Variants in ELL2 observed in about 807,000 individuals in gnomAD.
ELL2 encodes elongation factor for RNA polymerase II 2.
In ELL2, 21 loss-of-function variants were observed where a neutral mutation model predicts 72.8. The ratio of observed to expected loss-of-function variants is 0.29; its 90% CI spans 0.20 to 0.42. ELL2 has a LOEUF of 0.42. Ranked by LOEUF, ELL2 falls within the 10% of genes least tolerant of loss-of-function variation. The pLI is 1.00. For synonymous variants in ELL2, 266 were observed against 283.2 expected (o/e 0.94, Z 0.61); for missense variants, 568 against 772.8 (o/e 0.73, Z 3.14).
chr5:95,952,601 T>C (rs1415617208), intron 1 of ELL2, among the ~76,000 whole-genome samples: 2 of 152,188 alleles, frequency 1.3e-5, no homozygotes, highest in East Asian at 1.9e-4. Context: ...TGTCAGAAGA[T>C]AGTTTTCTCC....
chr5:95,920,281 T>A (rs1319958715), intron 2 of ELL2, among the ~76,000 whole-genome samples: 1 of 84,622 alleles, frequency 1.2e-5, no homozygotes, highest in Non-Finnish European at 2.3e-5. Flanking sequence ...TTTTTAATAT[T>A]TATTTATTTA....
chr5:95,950,911 T>C (rs60871107), intron 1 of ELL2, among the ~76,000 whole-genome samples: 2,064 of 32,556 alleles, frequency 0.063, 128 homozygotes, highest in East Asian at 0.18. Flanking sequence ...TGTGTATATA[T>C]ATATATATAT....
At chr5:95,903,812 C>T (rs894624678) in intron 5 of ELL2, among the ~76,000 whole-genome samples, 2 of 152,128 alleles carry the variant, frequency 1.3e-5, no homozygotes, top group African/African-American at 2.4e-5. Context: ...CAAATGGAGT[C>T]TATATAAGAC....
intron 9 of ELL2, among the ~76,000 whole-genome samples, chr5:95,895,003 C>T (rs992300192): frequency 6.6e-6 from 1 of 152,160 alleles, no homozygotes; most frequent in Non-Finnish European, 1.5e-5. Context: ...CTTACAGAGG[C>T]CTTTTATTCT....
At chr5:95,897,684 G>A (rs1748926074) in intron 8 of ELL2, among the ~76,000 whole-genome samples, 1 of 152,174 alleles carries the variant, frequency 6.6e-6, no homozygotes, top group African/African-American at 2.4e-5. Context: ...GATCTATTAA[G>A]CGAACGCTAG....
chr5:95,955,539 T>TA (rs1053340964), intron 1 of ELL2, among the ~76,000 whole-genome samples: 7 of 152,076 alleles, frequency 4.6e-5, no homozygotes, highest in African/African-American at 1.7e-4. Flanking sequence ...AGGAAGGAGA[T>TA]AAAAAAAGAC....
chr5:95,961,109 T>G (rs1300415614), intron 1 of ELL2, among the ~76,000 whole-genome samples: 1 of 152,096 alleles, frequency 6.6e-6, no homozygotes, highest in Non-Finnish European at 1.5e-5. Context: ...GTCCTGTCTC[T>G]GAGGATCCAC....
chr5:95,937,166 G>A (rs1750805540), intron 2 of ELL2, among the ~76,000 whole-genome samples: 1 of 152,168 alleles, frequency 6.6e-6, no homozygotes, highest in African/African-American at 2.4e-5. Context: ...GAGCACCCCT[G>A]TTTGTGCTCA....
chr5:95,947,533 G>T (rs1751207243), intron 1 of ELL2, among the ~76,000 whole-genome samples: 1 of 152,154 alleles, frequency 6.6e-6, no homozygotes, highest in Non-Finnish European at 1.5e-5. Context: ...CCTAAAACCA[G>T]CCCTGGGTGG....
intron 5 of ELL2, among the ~76,000 whole-genome samples, chr5:95,902,514 G>A (rs1409464377): frequency 1.3e-5 from 2 of 152,174 alleles, no homozygotes; most frequent in Admixed American, 6.5e-5. Context: ...TTAAGGCTAG[G>A]AGAAAATTAC....
chr5:95,889,492 T>C (rs773321152), intron 10 of ELL2, among the ~76,000 whole-genome samples: 2 of 152,118 alleles, frequency 1.3e-5, no homozygotes, highest in Non-Finnish European at 2.9e-5. Flanking sequence ...TGTACCAATA[T>C]AAAAAAATTC....
chr5:95,960,132 G>A (rs943658382), intron 1 of ELL2, among the ~76,000 whole-genome samples: 3 of 151,860 alleles, frequency 2.0e-5, no homozygotes, highest in Non-Finnish European at 4.4e-5. Context: ...ACTTTTAGCT[G>A]AATAACTATG....
chr5:95,905,747 G>T (rs1173338103), intron 5 of ELL2, among the ~76,000 whole-genome samples: 19 of 144,752 alleles, frequency 1.3e-4, no homozygotes, highest in East Asian at 9.8e-4. Flanking sequence ...AACCTGTAGG[G>T]TTTTTTTTTT....
chr5:95,919,332 T>C (rs1038733764), intron 3 of ELL2, 92 bp downstream of exon 3: 2 of 1,423,620 alleles, frequency 1.4e-6, no homozygotes, highest in African/African-American at 1.5e-5. Context: ...TACACGTTTA[T>C]GGATGAATAT....
chr5:95,950,939 T>C (rs1202788380), intron 1 of ELL2, among the ~76,000 whole-genome samples: 10 of 117,392 alleles, frequency 8.5e-5, no homozygotes, highest in African/African-American at 2.6e-4. Context: ...TATATATATA[T>C]ATATATATAT....
At chr5:95,910,031 G>C (rs1279978547) in intron 4 of ELL2, among the ~76,000 whole-genome samples, 1 of 152,118 alleles carries the variant, frequency 6.6e-6, no homozygotes, top group Non-Finnish European at 1.5e-5. Context: ...ATAATCCATT[G>C]CAAGGGAAAT....
intron 4 of ELL2, among the ~76,000 whole-genome samples, chr5:95,912,415 G>A (rs1749641138): frequency 1.3e-5 from 2 of 152,262 alleles, no homozygotes; most frequent in South Asian, 4.1e-4. Flanking sequence ...TAAAATGGTG[G>A]TATTGGGCAG....
intron 10 of ELL2, among the ~76,000 whole-genome samples, chr5:95,889,553 T>C (rs1748582236): frequency 6.6e-6 from 1 of 152,206 alleles, no homozygotes; most frequent in Non-Finnish European, 1.5e-5. Context: ...CTGAACAATA[T>C]GGACAGCTTG....
At position 95,906,665 on chromosome 5, in the gene ELL2, G is replaced by GTGC. The variant is rs762632583; in HGVS notation, c.596_598dup (p.Ser199dup). The GTGC allele has an allele frequency of 1.3e-5, 21 of 1,614,160 alleles. No homozygotes were observed. In the Admixed American group the frequency reaches 2.8e-4, roughly 22 times the overall value. ...GTCCCTGTATGGCCTCTGAGAGATG[G>GTGC]TGCTGCTGCTATGTGTCTTTCGAAT... On this transcript the variant is annotated inframe_insertion, in exon 5 of 12. Coordinates refer to ENST00000237853, the MANE Select transcript of ELL2 (RefSeq NM_012081.6).
Sources: allele counts gnomAD v4.1 joint callset (sites outside exome capture counted in the v4.1 genomes callset), GRCh38; gene constraint gnomAD v4.1.1; transcripts MANE v1.5; gene names NCBI Gene and HGNC (gene_info 2026-07-23, HGNC 2026-07-21).